Variants in GDAP1 observed in about 807,000 individuals in gnomAD.
GDAP1 encodes the protein ganglioside induced differentiation associated protein 1.
A neutral mutation model predicts 40.1 loss-of-function variants in GDAP1; 34 were observed. That is an observed-to-expected ratio of 0.85 (90% CI 0.64 to 1.13). The LOEUF is 1.13. Ranked by LOEUF, GDAP1 falls within the 50% of genes most tolerant of loss-of-function variation. The pLI, the probability that GDAP1 is intolerant of heterozygous loss-of-function variation, is 0.00. For missense variants in GDAP1, 374 were observed against 433.7 expected (o/e 0.86, Z 1.22); for synonymous variants, 170 against 157.4 (o/e 1.08, Z -0.60).
intron 2 of GDAP1, 110 bp downstream of exon 2, chr8:74,351,576 G>A: frequency 1.1e-6 from 1 of 910,882 alleles, no homozygotes; most frequent in Non-Finnish European, 1.8e-6. Context: ...TCATGATGGT[G>A]GTTTGGGATT....
intron 2 of GDAP1, among the ~76,000 whole-genome samples, chr8:74,462,611 T>C (rs912339317): frequency 6.6e-6 from 1 of 152,196 alleles, no homozygotes; most frequent in Non-Finnish European, 1.5e-5. Context: ...CAACTGTCAA[T>C]ACTTCAAGAC....
chr8:74,400,680 G>T (rs1166600602), intron 2 of GDAP1, among the ~76,000 whole-genome samples: 3 of 149,840 alleles, frequency 2.0e-5, no homozygotes, highest in Non-Finnish European at 4.4e-5. Flanking sequence ...TGATTTTGCA[G>T]TGGCTGGTAC....
intron 2 of GDAP1, among the ~76,000 whole-genome samples, chr8:74,457,355 T>C (rs774148176): frequency 6.6e-6 from 1 of 152,104 alleles, no homozygotes; most frequent in Non-Finnish European, 1.5e-5. Context: ...TTGCTTGGAA[T>C]ATTGCTACTT....
At chr8:74,457,745 C>T (rs1586840610) in intron 2 of GDAP1, among the ~76,000 whole-genome samples, 1 of 152,034 alleles carries the variant, frequency 6.6e-6, no homozygotes, top group Non-Finnish European at 1.5e-5. Flanking sequence ...AAAATTTCAG[C>T]TACTTGGCAA....
intron 2 of GDAP1, among the ~76,000 whole-genome samples, chr8:74,456,171 T>A (rs2131578044): frequency 6.6e-6 from 1 of 152,052 alleles, no homozygotes; most frequent in African/African-American, 2.4e-5. Flanking sequence ...TTTTTAGTAT[T>A]GCAAAATACA....
chr8:74,411,026 A>G (rs777722405), intron 2 of GDAP1, among the ~76,000 whole-genome samples: 1 of 149,846 alleles, frequency 6.7e-6, no homozygotes, highest in Non-Finnish European at 1.5e-5. Flanking sequence ...TGTTCTCATG[A>G]TAGTGAGTTC....
At chr8:74,374,357 G>T (rs532748231) in intron 2 of GDAP1, among the ~76,000 whole-genome samples, 1 of 152,158 alleles carries the variant, frequency 6.6e-6, no homozygotes, top group Admixed American at 6.5e-5. Flanking sequence ...TGTACCTCCG[G>T]TAGAATGGGA....
At chr8:74,354,587 T>C (rs1320421974) in intron 2 of GDAP1, among the ~76,000 whole-genome samples, 2 of 152,170 alleles carry the variant, frequency 1.3e-5, no homozygotes, top group Non-Finnish European at 2.9e-5. Context: ...AAATGTAAAA[T>C]GGCTATGAGG....
intron 2 of GDAP1, among the ~76,000 whole-genome samples, chr8:74,470,093 C>T (rs760485688): frequency 6.6e-6 from 1 of 152,066 alleles, no homozygotes; most frequent in Admixed American, 6.5e-5. Context: ...ATTGATATTA[C>T]TCTGTTTAGG....
rs1809395466 is a variant in GDAP1 at position 74,362,073 on chromosome 8, A to T, written c.579+95A>T. On this transcript the variant is annotated intron_variant, in intron 4 of 5. Coordinates refer to ENST00000220822, the MANE Select transcript of GDAP1 (RefSeq NM_018972.4). ...CACTATTTCTAGAATATCTTCTTTTAAATATTGCAGTTCACCAGTACACAT... is the reference window on the plus strand; with the variant it reads ...CACTATTTCTAGAATATCTTCTTTTTAATATTGCAGTTCACCAGTACACAT... 5.3e-6 allele frequency: 4 copies of T among 757,098 alleles called. No homozygotes were observed. The East Asian group carries it at 1.0e-4, about 19-fold the overall frequency. The allele number at this position is 757,098 out of a possible 1,614,324, so 46.9% of individuals were successfully genotyped here. A position where few individuals can be genotyped will look rare whatever the true frequency, so the allele number is the denominator to read the frequency against.
downstream of GDAP1, among the ~76,000 whole-genome samples, chr8:74,371,759 T>A (rs1809755371): frequency 7.2e-6 from 1 of 138,800 alleles, no homozygotes; most frequent in Admixed American, 7.8e-5. Context: ...ATTTATAGTT[T>A]GTTAAAAATT....
At position 74,459,928 on chromosome 8, in the gene GDAP1, C is replaced by T. The variant is rs537259682; in HGVS notation, c.166-28750C>T. On this transcript the variant is annotated intron_variant, in intron 2 of 2. Transcript: ENST00000523640. ...TCTGAATAAATTACTCTTATGCCACCACTGGATTACTTCCTAATGCAATAT... is the reference window on the plus strand; with the variant it reads ...TCTGAATAAATTACTCTTATGCCACTACTGGATTACTTCCTAATGCAATAT... Among the ~76,000 whole-genome samples the T allele has an allele frequency of 3.3e-5, 5 of 152,236 alleles. No homozygotes were observed. The South Asian group carries it at 8.3e-4, about 25-fold the overall frequency.
chr8:74,461,672 T>C (rs1028730231), intron 2 of GDAP1, among the ~76,000 whole-genome samples: 2 of 152,236 alleles, frequency 1.3e-5, no homozygotes, highest in Non-Finnish European at 2.9e-5. Flanking sequence ...TGTTTGGCAT[T>C]GTATGGATAG....
chr8:74,439,735 G>T (rs1806138043), intron 2 of GDAP1, among the ~76,000 whole-genome samples: 4 of 151,274 alleles, frequency 2.6e-5, no homozygotes, highest in Admixed American at 6.6e-5. Context: ...TTCAAATTGT[G>T]CCTTTCCCCC....
intron 2 of GDAP1, among the ~76,000 whole-genome samples, chr8:74,399,099 G>A (rs1428370080): frequency 2.6e-5 from 4 of 152,004 alleles, no homozygotes; most frequent in Non-Finnish European, 5.9e-5. Context: ...TTTTTCTATT[G>A]ATTGGAATAG....
intron 2 of GDAP1, among the ~76,000 whole-genome samples, chr8:74,430,202 A>G (rs1047147287): frequency 2.0e-5 from 3 of 152,248 alleles, no homozygotes; most frequent in African/African-American, 7.2e-5. Flanking sequence ...GAGAAGCTGA[A>G]GGGCATTTTT....
Position 74,419,566 on chromosome 8 carries a change from C to T in GDAP1, c.165+68245C>T, listed in dbSNP as rs548509251. ...GTTGTAAGAGTTTATGTATTCTGGACACTAGACCCAAGAGAGCTATTATTT... is the reference window on the plus strand; with the variant it reads ...GTTGTAAGAGTTTATGTATTCTGGATACTAGACCCAAGAGAGCTATTATTT... On this transcript the variant is annotated intron_variant, in intron 2 of 2. Transcript: ENST00000523640. Among the ~76,000 whole-genome samples the T allele has an allele frequency of 1.3e-3, 195 of 152,284 alleles. 1 individual carries two copies. Among genetic ancestry groups the T allele is most frequent in the African/African-American group, 4.6e-3 (193 of 41,588 alleles).
chr8:74,440,564 C>T (rs1321819240), intron 2 of GDAP1, among the ~76,000 whole-genome samples: 1 of 151,398 alleles, frequency 6.6e-6, no homozygotes, highest in Non-Finnish European at 1.5e-5. Context: ...TCAGCATATA[C>T]CCAGAGCTAT....
chr8:74,357,685 C>A (rs538632493), intron 2 of GDAP1, among the ~76,000 whole-genome samples: 1 of 152,294 alleles, frequency 6.6e-6, no homozygotes, highest in South Asian at 2.1e-4. Context: ...TAATACCAAG[C>A]CTCATTTCCA....
Sources: allele counts gnomAD v4.1 joint callset (sites outside exome capture counted in the v4.1 genomes callset), GRCh38; gene constraint gnomAD v4.1.1; transcripts MANE v1.5; gene names NCBI Gene and HGNC (gene_info 2026-07-23, HGNC 2026-07-21).